The following KIAA2012 variants were observed in gnomAD, a reference collection of about 807,000 sequenced individuals.
KIAA2012 encodes uncharacterized protein KIAA2012.
KIAA2012 carries 125 observed loss-of-function variants against 150.6 expected under a neutral mutation model. That is an observed-to-expected ratio of 0.83 (90% confidence interval 0.72 to 0.96). The LOEUF is 0.96. Ranked by LOEUF, KIAA2012 falls within the 40% of genes least tolerant of loss-of-function variation. The pLI, the probability that KIAA2012 is intolerant of heterozygous loss-of-function variation, is 0.00. For synonymous variants in KIAA2012, 462 were observed against 504.7 expected (o/e 0.92, Z 1.13); for missense variants, 1,219 against 1,354.9 (o/e 0.90, Z 1.57).
At chr2:202,112,194 G>A (rs1056882739) in intron 10 of KIAA2012, among the ~76,000 whole-genome samples, 1 of 152,154 alleles carries the variant, frequency 6.6e-6, no homozygotes, top group Non-Finnish European at 1.5e-5. Flanking sequence ...AAGAGGATTA[G>A]AGGGTTGGAG....
chr2:202,144,768 G>A (rs1691264603), intron 13 of KIAA2012, among the ~76,000 whole-genome samples: 1 of 152,190 alleles, frequency 6.6e-6, no homozygotes, highest in Non-Finnish European at 1.5e-5. Flanking sequence ...AAGGTGGGCG[G>A]ATCACTTGAA....
intron 13 of KIAA2012, among the ~76,000 whole-genome samples, chr2:202,148,487 G>A (rs148273596): frequency 2.6e-5 from 4 of 152,168 alleles, no homozygotes; most frequent in East Asian, 1.9e-4. Flanking sequence ...CTCGCAAAAC[G>A]GCCCACTCAG....
intron 4 of KIAA2012, among the ~76,000 whole-genome samples, chr2:202,094,384 A>T (rs1689808617): frequency 6.6e-6 from 1 of 152,244 alleles, no homozygotes; most frequent in African/African-American, 2.4e-5. Context: ...AATCTGGTTT[A>T]TCAAATGAAT....
At chr2:202,155,091 C>T (rs1691497902) in intron 14 of KIAA2012, among the ~76,000 whole-genome samples, 3 of 152,184 alleles carry the variant, frequency 2.0e-5, no homozygotes, top group African/African-American at 7.2e-5. Context: ...CCTCATAAAA[C>T]AGTCAAATAT....
intron 19 of KIAA2012, 89 bp downstream of exon 19, chr2:202,190,582 T>G (rs1692311778): frequency 9.9e-7 from 1 of 1,008,126 alleles, no homozygotes; most frequent in Admixed American, 2.9e-5. Flanking sequence ...CTAATTATAT[T>G]GCACTTACTA....
chr2:202,075,494 C>T (rs1373908491), intron 2 of KIAA2012, among the ~76,000 whole-genome samples: 3 of 152,214 alleles, frequency 2.0e-5, no homozygotes, highest in African/African-American at 7.2e-5. Context: ...GGCCAGCAGA[C>T]GTTTCATCAG....
Position 202,187,037 on chromosome 2 carries a change from A to G in KIAA2012, c.2315A>G (p.Glu772Gly). 6.4e-7 allele frequency: 1 copy of G among 1,550,554 alleles called. No individual in the cohort carries two copies. The highest frequency in any genetic ancestry group is 8.7e-7 in the Non-Finnish European group (1 of 1,146,976). ...SAVYTSLLPREREGKAEPRLF... is the reference protein window; with the variant it reads ...SAVYTSLLPRGREGKAEPRLF... ...GTGTATACATCTCTTCTTCCAAGAG[A>G]AAGAGAAGGGAAGGCTGAACCAAGA... is the stretch of plus-strand genomic sequence containing the variant. The change falls in exon 17 of 24, where the codon GAA (glutamate) becomes GGA (glycine). Residue 772 changes from glutamate to glycine, a missense_variant. By Grantham distance (98) the Glu-to-Gly change is moderately conservative. Coordinates refer to ENST00000498697, the MANE Select transcript of KIAA2012 (RefSeq NM_001277372.4).
intron 15 of KIAA2012, among the ~76,000 whole-genome samples, chr2:202,180,555 T>G (rs972763407): frequency 6.6e-6 from 1 of 152,222 alleles, no homozygotes; most frequent in East Asian, 1.9e-4. Flanking sequence ...CCAGATGCTG[T>G]GGTTCACACC....
At chr2:202,099,265 C>T (rs1037549135) in intron 5 of KIAA2012, among the ~76,000 whole-genome samples, 1 of 152,172 alleles carries the variant, frequency 6.6e-6, no homozygotes, top group Non-Finnish European at 1.5e-5. Flanking sequence ...GCTAGGATTA[C>T]AGGTGTGAGC....
chr2:202,121,557 A>G (rs1220438333), intron 11 of KIAA2012, among the ~76,000 whole-genome samples: 3 of 152,244 alleles, frequency 2.0e-5, no homozygotes, highest in Non-Finnish European at 4.4e-5. Flanking sequence ...AAACACTCTC[A>G]GGCACCTTGC....
chr2:202,168,689 T>G (rs1183936023), intron 15 of KIAA2012, among the ~76,000 whole-genome samples: 2 of 152,170 alleles, frequency 1.3e-5, no homozygotes, highest in African/African-American at 4.8e-5. Context: ...TGAAGCAGCC[T>G]TCCAGCCTCT....
chr2:202,196,838 T>C lies in KIAA2012; in HGVS notation c.3226T>C (p.Leu1076=), dbSNP rs1219035983. 6.4e-7 allele frequency: 1 copy of C among 1,550,394 alleles called. No homozygotes were observed. ...KQRQEELEMQ[L]EEEQKHLMEM... Reference sequence around the variant, plus strand: ...AAGGCAAGAGGAATTGGAAATGCAGTTAGAAGAAGAACAAAAACACCTGAT... The same window carrying C: ...AAGGCAAGAGGAATTGGAAATGCAGCTAGAAGAAGAACAAAAACACCTGAT... Residue 1076 remains leucine, a synonymous_variant, in exon 22 of 24, where the codon TTA becomes CTA. Coordinates refer to ENST00000498697, the MANE Select transcript of KIAA2012 (RefSeq NM_001277372.4).
chr2:202,195,196 TTCA>T (rs1692393501), intron 21 of KIAA2012, among the ~76,000 whole-genome samples: 1 of 152,034 alleles, frequency 6.6e-6, no homozygotes, highest in South Asian at 2.1e-4. Context: ...ACTTCAAACA[TTCA>T]TCATTTGTGT....
At chr2:202,086,787 C>T (rs1201413428) in intron 2 of KIAA2012, among the ~76,000 whole-genome samples, 1 of 152,164 alleles carries the variant, frequency 6.6e-6, no homozygotes, top group Non-Finnish European at 1.5e-5. Context: ...CTTTCCCAGG[C>T]TTTCTCACAA....
At chr2:202,134,744 A>C (rs1422782635) in intron 12 of KIAA2012, among the ~76,000 whole-genome samples, 1 of 152,084 alleles carries the variant, frequency 6.6e-6, no homozygotes, top group African/African-American at 2.4e-5. Flanking sequence ...TAGTAGAGAC[A>C]GGGTTTCACC....
chr2:202,166,547 G>A (rs917176130), intron 15 of KIAA2012, among the ~76,000 whole-genome samples: 2 of 151,950 alleles, frequency 1.3e-5, no homozygotes, highest in African/African-American at 4.8e-5. Context: ...CATCACTCCA[G>A]AGGCTGAGGC....
intron 12 of KIAA2012, among the ~76,000 whole-genome samples, chr2:202,131,506 C>T (rs1361530245): frequency 6.6e-6 from 1 of 152,202 alleles, no homozygotes; most frequent in African/African-American, 2.4e-5. Flanking sequence ...ACTAATTGTC[C>T]ATCTACTAGT....
At chr2:202,160,389 C>A (rs932451566) in intron 14 of KIAA2012, among the ~76,000 whole-genome samples, 15 of 149,050 alleles carry the variant, frequency 1.0e-4, no homozygotes, top group African/African-American at 3.7e-4. Context: ...TCTCGGCTCA[C>A]TGCAAGCTCC....
At position 202,093,124 on chromosome 2, in the gene KIAA2012, A is replaced by T; in HGVS notation, c.624A>T (p.Lys208Asn). ...AAGATCTTTCAGGTGTACCCCCAAAATACCATCTCCTGCCTGTCTTCCCTT... is the reference window on the plus strand; with the variant it reads ...AAGATCTTTCAGGTGTACCCCCAAATTACCATCTCCTGCCTGTCTTCCCTT... Reference protein sequence around the residue: ...PQQDLSGVPPKYHLLPVFPSF... With the variant: ...PQQDLSGVPPNYHLLPVFPSF... The change falls in exon 4 of 24, where the codon AAA becomes AAT. Residue 208 changes from lysine (K) to asparagine (N), a missense_variant. Transcript: ENST00000498697. The T allele has an allele frequency of 1.3e-6, 2 of 1,551,156 alleles. No homozygotes were observed. The highest frequency in any genetic ancestry group is 1.7e-6 in the Non-Finnish European group (2 of 1,147,108).
Sources: allele counts gnomAD v4.1 joint callset (sites outside exome capture counted in the v4.1 genomes callset), GRCh38; gene constraint gnomAD v4.1.1; transcripts MANE v1.5; gene names NCBI Gene and HGNC (gene_info 2026-07-23, HGNC 2026-07-21).